The following NBEAL1 variants were observed in gnomAD, a reference collection of about 807,000 sequenced individuals.
The protein encoded by NBEAL1 is neurobeachin like 1, also known as neurobeachin-like protein 1.
A neutral mutation model predicts 351.3 loss-of-function variants in NBEAL1; 273 were observed. The observed-to-expected ratio is 0.78, with a 90% CI of 0.70 to 0.86. NBEAL1 has a LOEUF of 0.86. Among genes scored for constraint, NBEAL1 ranks in the 40% least tolerant of loss-of-function variants. The probability of loss-of-function intolerance (pLI) is 0.00; values close to 1 mark genes in which losing one functional copy is unlikely to be tolerated. For synonymous variants in NBEAL1, 1,050 were observed against 1,086.4 expected (o/e 0.97, Z 0.66); for missense variants, 2,961 against 3,201.3 (o/e 0.92, Z 1.81).
At chr2:203,082,422 C>A (rs1008816464) in intron 8 of NBEAL1, among the ~76,000 whole-genome samples, 1 of 152,112 alleles carries the variant, frequency 6.6e-6, no homozygotes, top group Non-Finnish European at 1.5e-5. Flanking sequence ...TGAAAACAGT[C>A]CTAATGGCTT....
intron 49 of NBEAL1, among the ~76,000 whole-genome samples, chr2:203,200,759 A>G (rs1204444484): frequency 6.6e-6 from 1 of 152,222 alleles, no homozygotes; most frequent in Non-Finnish European, 1.5e-5. Flanking sequence ...ATTACACCAT[A>G]TATTTGAAAA....
chr2:203,017,843 C>T (rs1245475902), intron 2 of NBEAL1, among the ~76,000 whole-genome samples: 1 of 151,894 alleles, frequency 6.6e-6, no homozygotes, highest in Non-Finnish European at 1.5e-5. Context: ...AACATGCATC[C>T]CTTCTCCTTT....
At chr2:203,112,945 T>C (rs2062605804) in intron 16 of NBEAL1, 70 bp from the exon 17 acceptor site, 3 of 1,277,378 alleles carry the variant, frequency 2.3e-6, no homozygotes. Context: ...ACTATTTTAT[T>C]GTGTAATTTT....
chr2:203,027,001 TTTC>T (rs1288083112), intron 2 of NBEAL1, among the ~76,000 whole-genome samples: 5 of 152,296 alleles, frequency 3.3e-5, no homozygotes, highest in Non-Finnish European at 4.4e-5. Context: ...AAACCCTTGA[TTTC>T]TTCTTATTAT....
chr2:203,220,973 G>A lies in NBEAL1; in HGVS notation c.*3619G>A. On this transcript the variant is annotated 3_prime_UTR_variant, in exon 56 of 56. Transcript: ENST00000683969. ...GTCATTAGCAAGGAACACCAATGAG[G>A]TTTCTTTTTTTTCTCTATTTAGGGC... Among the ~76,000 whole-genome samples, 1 of 151,938 alleles carries A rather than the reference G, an allele frequency of 6.6e-6. No homozygotes were observed. Among genetic ancestry groups the A allele is most frequent in the South Asian group, 2.1e-4 (1 of 4,816 alleles).
intron 49 of NBEAL1, among the ~76,000 whole-genome samples, 200 bp downstream of exon 49, chr2:203,199,647 T>C (rs2065339366): frequency 6.6e-6 from 1 of 151,884 alleles, no homozygotes; most frequent in African/African-American, 2.4e-5. Flanking sequence ...ATTATCTGGC[T>C]AATTTTTGTT....
intron 13 of NBEAL1, 33 bp downstream of exon 13, chr2:203,107,551 G>C: frequency 1.3e-6 from 2 of 1,536,320 alleles, no homozygotes; most frequent in Non-Finnish European, 1.8e-6. Context: ...GAGAATTTCT[G>C]TTAATATCCA....
intron 51 of NBEAL1, among the ~76,000 whole-genome samples, chr2:203,206,336 A>G (rs1281233324): frequency 1.3e-5 from 2 of 152,200 alleles, no homozygotes; most frequent in Non-Finnish European, 2.9e-5. Context: ...TTACAAACAC[A>G]AATAAACCTG....
chr2:203,125,941 T>C lies in NBEAL1; in HGVS notation c.2852-19T>C. On this transcript the variant is annotated intron_variant, in intron 20 of 55. Coordinates refer to ENST00000683969, the MANE Select transcript of NBEAL1 (RefSeq NM_001378026.1). ...TGATTAGAGAAATTATGATAATTAATATGTTCCTGATTCTACAGAGTCAAG... is the reference window on the plus strand; with the variant it reads ...TGATTAGAGAAATTATGATAATTAACATGTTCCTGATTCTACAGAGTCAAG... 2 of 1,485,072 alleles carry C rather than the reference T, an allele frequency of 1.3e-6. No homozygotes were observed. The highest frequency in any genetic ancestry group is 1.8e-6 in the Non-Finnish European group (2 of 1,117,202). 92.0% of individuals were successfully genotyped at this position (1,485,072 alleles called of 1,614,324 possible).
chr2:203,146,922 A>G (rs1241310175), intron 33 of NBEAL1, among the ~76,000 whole-genome samples: 2 of 152,232 alleles, frequency 1.3e-5, no homozygotes, highest in African/African-American at 4.8e-5. Flanking sequence ...CTTAACAAGA[A>G]AAACTACATT....
intron 36 of NBEAL1, among the ~76,000 whole-genome samples, chr2:203,163,069 A>G (rs2064018299): frequency 6.6e-6 from 1 of 152,248 alleles, no homozygotes; most frequent in Non-Finnish European, 1.5e-5. Flanking sequence ...AGGCAGGGGA[A>G]TCTCTTGAAC....
chr2:203,107,349 A>T, intron 12 of NBEAL1, 71 bp from the exon 13 acceptor site: 1 of 720,412 alleles, frequency 1.4e-6, no homozygotes, highest in East Asian at 2.8e-5. Context: ...AGTATTATTT[A>T]ATATTTTTAA....
intron 6 of NBEAL1, among the ~76,000 whole-genome samples, chr2:203,068,130 G>T (rs371686893): frequency 6.6e-6 from 1 of 152,068 alleles, no homozygotes; most frequent in Non-Finnish European, 1.5e-5. Flanking sequence ...AAATTTTAAG[G>T]TCTGGCTTCT....
At position 203,167,287 on chromosome 2, in the gene NBEAL1, A is replaced by G. The variant is rs2064162681; in HGVS notation, c.5924A>G (p.Tyr1975Cys). 6.2e-7 allele frequency: 1 copy of G among 1,613,034 alleles called. No homozygotes were observed. Reference protein sequence around the residue: ...SQIREIHLRRYNLRRSALEIF... With the variant: ...SQIREIHLRRCNLRRSALEIF... ...ATTCGAGAGATTCATCTCCGGCGTT[A>G]CAATTTAAGAAGATCAGCCCTTGAG... The change falls in exon 38 of 56, where the codon TAC becomes TGC. Residue 1975 changes from tyrosine to cysteine, a missense_variant. By Grantham distance (194) the Tyr-to-Cys change is radical. Coordinates refer to ENST00000683969, the MANE Select transcript of NBEAL1 (RefSeq NM_001378026.1).
chr2:203,199,785 TG>T (rs1449401363), intron 49 of NBEAL1, among the ~76,000 whole-genome samples: 84 of 152,254 alleles, frequency 5.5e-4, no homozygotes, highest in African/African-American at 2.0e-3. Context: ...AGTAATGTTT[TG>T]AGATCCAGAT....
In NBEAL1 at chr2:203,192,967, T is replaced by C. The variant is rs10932010; in HGVS notation, c.6922-828T>C. ...ATTGACTTTTTTTCTTTCTTTCTTTTTTTTTTTTTTTTTTTTTTTTTTGAG... is the reference window on the plus strand; with the variant it reads ...ATTGACTTTTTTTCTTTCTTTCTTTCTTTTTTTTTTTTTTTTTTTTTTGAG... On this transcript the variant is annotated intron_variant, in intron 46 of 55. Coordinates refer to ENST00000683969, the MANE Select transcript of NBEAL1 (RefSeq NM_001378026.1). 1.4e-3 allele frequency among the ~76,000 whole-genome samples: 97 copies of C among 68,038 alleles called. 1 individual carries two copies. Among genetic ancestry groups the C allele is most frequent in the Admixed American group, 1.8e-3 (12 of 6,498 alleles). The allele number at this position is 68,038 out of a possible 152,430, so 44.6% of individuals were successfully genotyped here.
In NBEAL1 at chr2:203,125,442, A is replaced by T; in HGVS notation, c.2773A>T (p.Lys925Ter). The T allele has an allele frequency of 6.5e-7, 1 of 1,547,458 alleles. No individual in the cohort carries two copies. The highest frequency in any genetic ancestry group is 8.7e-7 in the Non-Finnish European group (1 of 1,145,172). The change falls in exon 20 of 56, where the codon AAG becomes TAG. Residue 925 changes from lysine to a stop codon, truncating the protein, a stop_gained. Transcript: ENST00000683969. LOFTEE classifies it high-confidence loss of function. ...HFSEGQIPEE[K>*]NESTVPESVT... ...TAGTGAAGGACAGATTCCTGAAGAA[A>T]AGAATGAAAGCACAGTTCCTGAATC...
chr2:203,064,671 T>C lies in NBEAL1; in HGVS notation c.516-3722T>C, dbSNP rs531776597. On this transcript the variant is annotated intron_variant, in intron 6 of 55. Coordinates refer to ENST00000683969, the MANE Select transcript of NBEAL1 (RefSeq NM_001378026.1). ...TGGAGGACAACTTTCTTTAAAAATA[T>C]CACAAAGTGGGGTTATGGAAATGTT... is the stretch of plus-strand genomic sequence containing the variant. 3.3e-5 allele frequency among the ~76,000 whole-genome samples: 5 copies of C among 152,278 alleles called. No homozygotes were observed. In the South Asian group the frequency reaches 1.0e-3, roughly 32 times the overall value.
chr2:203,130,484 C>T lies in NBEAL1; in HGVS notation c.3564+8C>T. On this transcript the variant is annotated splice_region_variant and intron_variant, in intron 25 of 55. Transcript: ENST00000683969. ...AGAGAAATCATTTTTAAGGTACAAA[C>T]ATTTCTTAAACATCTTTGTATTTTG... The T allele has an allele frequency of 7.1e-7, 1 of 1,402,674 alleles. No individual in the cohort carries two copies. Among genetic ancestry groups the T allele is most frequent in the Non-Finnish European group, 9.3e-7 (1 of 1,079,056 alleles). 86.9% of individuals were successfully genotyped at this position (1,402,674 alleles called of 1,614,324 possible). A position where few individuals can be genotyped will look rare whatever the true frequency, so the allele number is the denominator to read the frequency against.
Sources: allele counts gnomAD v4.1 joint callset (sites outside exome capture counted in the v4.1 genomes callset), GRCh38; gene constraint gnomAD v4.1.1; transcripts MANE v1.5; gene names NCBI Gene and HGNC (gene_info 2026-07-23, HGNC 2026-07-21).